KIF26B: variants seen among roughly 807,000 people sequenced by gnomAD.
The protein encoded by KIF26B is kinesin family member 26B, also known as kinesin-like protein KIF26B.
In KIF26B, 63 loss-of-function variants were observed where a neutral mutation model predicts 151.2. The ratio of observed to expected loss-of-function variants is 0.42; its 90% confidence interval spans 0.34 to 0.51. The LOEUF is 0.51. Ranked by LOEUF, KIF26B falls within the 20% of genes least tolerant of loss-of-function variation. KIF26B has a pLI of 0.07. For missense variants in KIF26B, 2,813 were observed against 2,913.6 expected, an observed-to-expected ratio of 0.97 and a Z score of 0.79; for synonymous variants, 1,357 against 1,262.1, an observed-to-expected ratio of 1.08 and a Z score of -1.59.
chr1:245,474,559 G>A (rs1348972910), intron 4 of KIF26B, among the ~76,000 whole-genome samples: 1 of 151,282 alleles, frequency 6.6e-6, no homozygotes, highest in Non-Finnish European at 1.5e-5. Flanking sequence ...TTACAGGCAT[G>A]CGCCATCATG....
rs565621860 is a variant in KIF26B, at chr1:245,610,739, C to T, written c.1915-1054C>T. On this transcript the variant is annotated intron_variant, in intron 8 of 14. Transcript: ENST00000407071. The stretch of plus-strand genomic sequence containing the variant: ...AAAAAGAAGAAAAGACCAATATTCC[C>T]TTTAATTCTTGTTGAAAAATCTTTT... Among the ~76,000 whole-genome samples, 67 of 152,300 alleles carry T rather than the reference C, an allele frequency of 4.4e-4. 2 individuals are homozygous for T. Among genetic ancestry groups the T allele is most frequent in the African/African-American group, 1.5e-3 (63 of 41,550 alleles).
intron 4 of KIF26B, among the ~76,000 whole-genome samples, chr1:245,446,155 A>G (rs1217937753): frequency 6.6e-6 from 1 of 152,228 alleles, no homozygotes; most frequent in Non-Finnish European, 1.5e-5. Flanking sequence ...ATTCTAGGCT[A>G]TAAACAGTAT....
intron 5 of KIF26B, among the ~76,000 whole-genome samples, chr1:245,589,098 A>T (rs2043258743): frequency 6.6e-6 from 1 of 152,190 alleles, no homozygotes; most frequent in African/African-American, 2.4e-5. Flanking sequence ...TTTACCTAAC[A>T]TCCTACATTT....
chr1:245,422,093 T>A (rs1658502069), intron 4 of KIF26B, among the ~76,000 whole-genome samples: 1 of 152,154 alleles, frequency 6.6e-6, no homozygotes, highest in Admixed American at 6.5e-5. Context: ...CAGTATGAGC[T>A]TTCAAAGAGC....
intron 9 of KIF26B, among the ~76,000 whole-genome samples, chr1:245,634,955 C>A (rs1219382527): frequency 6.6e-6 from 1 of 152,038 alleles, no homozygotes; most frequent in Non-Finnish European, 1.5e-5. Flanking sequence ...GCCTGAAGCA[C>A]CTCAGCCTCC....
At chr1:245,248,031 A>G (rs887382796) in intron 2 of KIF26B, among the ~76,000 whole-genome samples, 2 of 152,064 alleles carry the variant, frequency 1.3e-5, no homozygotes, top group Non-Finnish European at 2.9e-5. Flanking sequence ...CACAGCACCA[A>G]CAGTGCCAAC....
intron 3 of KIF26B, among the ~76,000 whole-genome samples, chr1:245,413,928 G>A (rs1348471927): frequency 6.6e-6 from 1 of 152,198 alleles, no homozygotes; most frequent in African/African-American, 2.4e-5. Flanking sequence ...CCTTGGGGAA[G>A]GAGCTCAACC....
chr1:245,633,434 CT>C (rs1268310854), intron 9 of KIF26B, among the ~76,000 whole-genome samples: 1 of 151,752 alleles, frequency 6.6e-6, no homozygotes, highest in African/African-American at 2.4e-5. Flanking sequence ...TTTTTTGTTC[CT>C]TTCTTCCTCT....
At chr1:245,215,222 T>C (rs979558471) in intron 2 of KIF26B, among the ~76,000 whole-genome samples, 4 of 151,940 alleles carry the variant, frequency 2.6e-5, no homozygotes, top group Non-Finnish European at 4.4e-5. Context: ...GCAGCCACCA[T>C]GGGAGGAAGG....
At chr1:245,434,987 C>A (rs544267273) in intron 4 of KIF26B, among the ~76,000 whole-genome samples, 1 of 149,654 alleles carries the variant, frequency 6.7e-6, no homozygotes, top group East Asian at 2.0e-4. Flanking sequence ...ATCCATCCAT[C>A]CATCCATCCA....
At chr1:245,642,483 C>A (rs1235374671) in intron 9 of KIF26B, among the ~76,000 whole-genome samples, 3 of 147,204 alleles carry the variant, frequency 2.0e-5, no homozygotes, top group African/African-American at 7.6e-5. Flanking sequence ...ATGGCATGAA[C>A]CCAGGAGGCA....
intron 4 of KIF26B, among the ~76,000 whole-genome samples, chr1:245,447,490 A>G (rs184258634): frequency 9.2e-4 from 140 of 152,266 alleles, no homozygotes; most frequent in Admixed American, 7.2e-3. Context: ...GGAGGGGATC[A>G]GGTCTCGAGG....
rs1391681079 is a variant in KIF26B, at chr1:245,611,317, T to C, written c.1915-476T>C. On this transcript the variant is annotated intron_variant, in intron 8 of 14. Coordinates refer to ENST00000407071, the MANE Select transcript of KIF26B (RefSeq NM_018012.4). ...GGAGTCAAATGAAAGCTAACCAAGT[T>C]TTTTTACATCTTTGGGACACCACTG... Among the ~76,000 whole-genome samples the C allele has an allele frequency of 2.6e-5, 4 of 152,346 alleles. No individual in the cohort carries two copies. In the South Asian group the frequency reaches 6.2e-4, roughly 24 times the overall value.
At chr1:245,303,292 G>A (rs867533735) in intron 2 of KIF26B, among the ~76,000 whole-genome samples, 19 of 141,568 alleles carry the variant, frequency 1.3e-4, no homozygotes, top group African/African-American at 2.1e-4. Flanking sequence ...TCCGCCTCCC[G>A]GGTTCACGCC....
At position 245,286,759 on chromosome 1, in the gene KIF26B, G is replaced by A. The variant is rs151203692; in HGVS notation, c.466-80075G>A. 2.6e-3 allele frequency among the ~76,000 whole-genome samples: 391 copies of A among 152,218 alleles called. 3 individuals carry two copies. Among genetic ancestry groups the A allele is most frequent in the African/African-American group, 9.1e-3 (379 of 41,546 alleles). On this transcript the variant is annotated intron_variant, in intron 2 of 14. Coordinates refer to ENST00000407071, the MANE Select transcript of KIF26B (RefSeq NM_018012.4). ...ATTCCTCACTTTATAAAAGGAGTTG[G>A]TGCAAGGTAAATTTAAGTAGCAAAC...
chr1:245,569,796 A>AAAAC (rs547433360), intron 5 of KIF26B, among the ~76,000 whole-genome samples: 5 of 151,628 alleles, frequency 3.3e-5, no homozygotes, highest in East Asian at 3.9e-4. Flanking sequence ...TGTCTCAAAC[A>AAAAC]AAACAAACAA....
chr1:245,457,732 T>G (rs1322021993), intron 4 of KIF26B, among the ~76,000 whole-genome samples: 1 of 152,228 alleles, frequency 6.6e-6, no homozygotes, highest in Non-Finnish European at 1.5e-5. Context: ...TCATTCAATA[T>G]TATATATTTG....
intron 2 of KIF26B, among the ~76,000 whole-genome samples, chr1:245,308,262 T>C (rs1671596034): frequency 6.6e-6 from 1 of 152,184 alleles, no homozygotes; most frequent in Non-Finnish European, 1.5e-5. Context: ...TGTGGCCTTG[T>C]CTTTGAAATA....
chr1:245,423,932 G>A lies in KIF26B; in HGVS notation c.1166+4187G>A, dbSNP rs147900439. 3.7e-3 allele frequency among the ~76,000 whole-genome samples: 568 copies of A among 151,784 alleles called. 6 individuals carry two copies. Among genetic ancestry groups the A allele is most frequent in the African/African-American group, 0.013 (519 of 41,390 alleles). ...CAGCTCACTGCAGCCTCAGCCTCCC[G>A]GGCTCAAGCGATCCTCCCACTTCAG... On this transcript the variant is annotated intron_variant, in intron 4 of 14. Coordinates refer to ENST00000407071, the MANE Select transcript of KIF26B (RefSeq NM_018012.4).
Sources: allele counts gnomAD v4.1 joint callset (sites outside exome capture counted in the v4.1 genomes callset), GRCh38; gene constraint gnomAD v4.1.1; transcripts MANE v1.5; gene names NCBI Gene and HGNC (gene_info 2026-07-23, HGNC 2026-07-21).